DCAF1: variants seen among roughly 807,000 people sequenced by gnomAD.
The protein encoded by DCAF1 is DDB1 and CUL4 associated factor 1, also known as DDB1- and CUL4-associated factor 1.
A neutral mutation model predicts 128.0 loss-of-function variants in DCAF1; 15 were observed. The observed-to-expected ratio is 0.12, with a 90% CI of 0.08 to 0.18. DCAF1 has a LOEUF of 0.18. DCAF1 is among the 10% of genes least tolerant of loss of function. The probability of loss-of-function intolerance (pLI) is 1.00; values close to 1 mark genes in which losing one functional copy is unlikely to be tolerated. For synonymous variants in DCAF1, 610 were observed against 603.0 expected (o/e 1.01, Z -0.17); for missense variants, 988 against 1,649.5 (o/e 0.60, Z 6.95).
Position 51,470,948 on chromosome 3 carries a change from T to A in DCAF1, c.168A>T (p.Pro56=). 6.3e-7 allele frequency: 1 copy of A among 1,599,064 alleles called. No individual in the cohort carries two copies. The highest frequency in any genetic ancestry group is 8.5e-7 in the Non-Finnish European group (1 of 1,170,544). Residue 56 remains proline (P), a synonymous_variant, in exon 4 of 25, where the codon CCA becomes CCT. Transcript: ENST00000684031. ...TCTTACCAGGATGTCGATCATCAAA[T>A]GGGTCTGGATCCCCTTTACGATACT... ...TEEYRKGDPD[P]FDDRHPGRAD... is the part of the protein sequence containing the mutation.
chr3:51,456,303 T>C (rs1373798033), intron 6 of DCAF1, among the ~76,000 whole-genome samples: 1 of 152,144 alleles, frequency 6.6e-6, no homozygotes, highest in Non-Finnish European at 1.5e-5. Context: ...AGAGTCTCCC[T>C]CATTGCTAGC....
intron 23 of DCAF1, among the ~76,000 whole-genome samples, chr3:51,408,180 G>A (rs1284778324): frequency 6.6e-6 from 1 of 152,100 alleles, no homozygotes; most frequent in Admixed American, 6.5e-5. Flanking sequence ...ACAGCTAGCT[G>A]TACCTTTCAT....
intron 2 of DCAF1, among the ~76,000 whole-genome samples, chr3:51,488,841 T>G (rs905557108): frequency 4.6e-5 from 7 of 151,680 alleles, no homozygotes; most frequent in Non-Finnish European, 1.0e-4. Flanking sequence ...GGTGTGCGCC[T>G]GTAATCCCAG....
Position 51,416,816 on chromosome 3 carries a change from C to T in DCAF1, c.3574G>A (p.Val1192Ile). Residue 1192 changes from valine (V) to isoleucine (I), a missense_variant, in exon 18 of 25, where the codon GTC becomes ATC. Val to Ile is a conservative substitution (Grantham distance 29, BLOSUM62 3). Transcript: ENST00000684031. The stretch of plus-strand genomic sequence containing the variant: ...GCAATGTCTCCTTTTGTGCCGATGA[C>T]CCGATCCTGGGAGTGCTTACTGAAC... The part of the protein sequence containing the change: ...VEFSKHSQDR[V>I]IGTKGDIAHI... 1 of 1,611,902 alleles carries T rather than the reference C, an allele frequency of 6.2e-7. No individual in the cohort carries two copies. The highest frequency in any genetic ancestry group is 8.5e-7 in the Non-Finnish European group (1 of 1,178,992).
chr3:51,417,236 G>A (rs1261078161), intron 17 of DCAF1, among the ~76,000 whole-genome samples: 1 of 152,056 alleles, frequency 6.6e-6, no homozygotes, highest in Non-Finnish European at 1.5e-5. Flanking sequence ...TGGGCAACAT[G>A]TCGAAACCCT....
At chr3:51,423,920 A>C (rs1553633338) in intron 13 of DCAF1, among the ~76,000 whole-genome samples, 1 of 152,156 alleles carries the variant, frequency 6.6e-6, no homozygotes, top group African/African-American at 2.4e-5. Context: ...GAAAACCCAC[A>C]TAGACAAGAG....
At chr3:51,429,986 A>G (rs781865009) in intron 11 of DCAF1, 47 bp downstream of exon 11, 7 of 771,954 alleles carry the variant, frequency 9.1e-6, no homozygotes, top group South Asian at 8.2e-5. Flanking sequence ...CAGCCAAGAC[A>G]ACCAGGACCC....
intron 9 of DCAF1, among the ~76,000 whole-genome samples, chr3:51,433,653 G>A (rs1250296561): frequency 6.6e-6 from 1 of 151,300 alleles, no homozygotes; most frequent in African/African-American, 2.4e-5. Flanking sequence ...AGTAGAGACG[G>A]GGTTTCACCA....
intron 6 of DCAF1, among the ~76,000 whole-genome samples, chr3:51,444,594 C>T (rs1302447866): frequency 5.9e-5 from 9 of 151,910 alleles, no homozygotes; most frequent in African/African-American, 1.9e-4. Context: ...TCAAGTGATC[C>T]GCCCACCTCG....
At position 51,443,821 on chromosome 3, in the gene DCAF1, C is replaced by T. The variant is rs782172319; in HGVS notation, c.458G>A (p.Gly153Asp). The T allele has an allele frequency of 6.2e-7, 1 of 1,612,922 alleles. No individual in the cohort carries two copies. Among genetic ancestry groups the T allele is most frequent in the African/African-American group, 1.3e-5 (1 of 75,016 alleles). ...AGCAATGTCTTGATTTTCCATAGCACCTCCTAACAGTCCAGTAGAATATGT... is the reference window on the plus strand; with the variant it reads ...AGCAATGTCTTGATTTTCCATAGCATCTCCTAACAGTCCAGTAGAATATGT... ...LRTYSTGLLGGAMENQDIAAN... is the reference protein window; with the variant it reads ...LRTYSTGLLGDAMENQDIAAN... Residue 153 changes from glycine to aspartate, a missense_variant, in exon 7 of 25, where the codon GGT (glycine) becomes GAT (aspartate). Physicochemically the swap from Gly to Asp is moderately conservative, Grantham distance 94. Coordinates refer to ENST00000684031, the MANE Select transcript of DCAF1 (RefSeq NM_001387579.1).
chr3:51,480,426 C>A (rs960692838), intron 3 of DCAF1, among the ~76,000 whole-genome samples: 25 of 151,976 alleles, frequency 1.6e-4, no homozygotes, highest in African/African-American at 5.3e-4. Flanking sequence ...GAAACCCCAT[C>A]TCTACTAAAA....
chr3:51,466,019 T>C (rs1704090948), intron 5 of DCAF1, among the ~76,000 whole-genome samples: 1 of 151,806 alleles, frequency 6.6e-6, no homozygotes, highest in Non-Finnish European at 1.5e-5. Flanking sequence ...GCCAACATGG[T>C]GAAAGCCCAT....
At chr3:51,404,422 A>G (rs938250440) in intron 23 of DCAF1, among the ~76,000 whole-genome samples, 9 of 152,190 alleles carry the variant, frequency 5.9e-5, no homozygotes, top group Non-Finnish European at 1.0e-4. Context: ...TTATTTTAAA[A>G]CTTATACTCA....
At chr3:51,423,556 G>A (rs1207729734) in intron 13 of DCAF1, among the ~76,000 whole-genome samples, 5 of 150,884 alleles carry the variant, frequency 3.3e-5, no homozygotes, top group South Asian at 2.1e-4. Context: ...AGTGGCTCAC[G>A]CCGGTAATCA....
chr3:51,428,774 G>A (rs1277168266), intron 12 of DCAF1, among the ~76,000 whole-genome samples: 1 of 151,982 alleles, frequency 6.6e-6, no homozygotes, highest in Non-Finnish European at 1.5e-5. Context: ...TGGGAGGACT[G>A]CTTGAGTCCA....
chr3:51,422,732 GT>G (rs1699517441), intron 13 of DCAF1, among the ~76,000 whole-genome samples: 1 of 152,164 alleles, frequency 6.6e-6, no homozygotes, highest in Admixed American at 6.5e-5. Flanking sequence ...TACTCTCAAA[GT>G]TTTGGTGAGA....
intron 23 of DCAF1, among the ~76,000 whole-genome samples, chr3:51,411,957 A>T (rs1553628526): frequency 6.6e-6 from 1 of 151,868 alleles, no homozygotes; most frequent in Admixed American, 6.6e-5. Context: ...CTAAAAATAC[A>T]CAAAAAATAG....
chr3:51,445,143 ATTT>A (rs1160179122), intron 6 of DCAF1, among the ~76,000 whole-genome samples: 1 of 152,006 alleles, frequency 6.6e-6, no homozygotes, highest in Non-Finnish European at 1.5e-5. Context: ...AATACATTAA[ATTT>A]TTTTTACCTT....
intron 24 of DCAF1, among the ~76,000 whole-genome samples, chr3:51,402,247 G>A (rs782059471): frequency 2.6e-5 from 4 of 152,134 alleles, no homozygotes; most frequent in Non-Finnish European, 4.4e-5. Flanking sequence ...TTAGCCAAAG[G>A]GAGACAGGAA....
Sources: gnomAD v4.1 joint callset for allele counts (sites outside exome capture counted in the v4.1 genomes callset) on GRCh38, gnomAD v4.1.1 for gene constraint, MANE v1.5 for transcripts, NCBI Gene and HGNC (gene_info 2026-07-23, HGNC 2026-07-21) for gene names.